Variants in NEGR1 observed in about 807,000 individuals in gnomAD.
The protein encoded by NEGR1 is IgLON family member 4.
In NEGR1, 10 loss-of-function variants were observed where a neutral mutation model predicts 40.9. The ratio of observed to expected loss-of-function variants is 0.24; its 90% CI spans 0.15 to 0.42. NEGR1 has a LOEUF of 0.42. Ranked by LOEUF, NEGR1 falls within the 10% of genes least tolerant of loss-of-function variation. The pLI is 1.00. For synonymous variants in NEGR1, 185 were observed against 166.8 expected (o/e 1.11, Z -0.84); for missense variants, 352 against 438.9 (o/e 0.80, Z 1.77).
intron 2 of NEGR1, among the ~76,000 whole-genome samples, chr1:71,838,046 G>A (rs1274859661): frequency 6.6e-6 from 1 of 152,072 alleles, no homozygotes; most frequent in Non-Finnish European, 1.5e-5. Flanking sequence ...CACATTGTTT[G>A]AGGTACATTG....
intron 1 of NEGR1, among the ~76,000 whole-genome samples, chr1:71,993,742 A>G (rs1441320137): frequency 1.3e-5 from 2 of 152,228 alleles, no homozygotes; most frequent in African/African-American, 2.4e-5. Context: ...TATTGTATAG[A>G]TGAATAAATT....
chr1:71,773,164 TGG>T (rs1656388397), intron 3 of NEGR1, among the ~76,000 whole-genome samples: 1 of 152,226 alleles, frequency 6.6e-6, no homozygotes, highest in South Asian at 2.1e-4. Context: ...TGAAGCTGTA[TGG>T]AGCTATCATC....
intron 5 of NEGR1, among the ~76,000 whole-genome samples, chr1:71,595,105 T>C (rs1342256045): frequency 3.3e-5 from 5 of 152,174 alleles, no homozygotes; most frequent in Admixed American, 2.0e-4. Flanking sequence ...CTTAAATGTA[T>C]CTGAAGGCAC....
intron 1 of NEGR1, among the ~76,000 whole-genome samples, chr1:72,157,601 T>C (rs1184354813): frequency 6.6e-6 from 1 of 152,144 alleles, no homozygotes; most frequent in Non-Finnish European, 1.5e-5. Context: ...GTTTTTAATA[T>C]GAAGAGGTTA....
chr1:72,095,956 A>G (rs1557524267), intron 1 of NEGR1, among the ~76,000 whole-genome samples: 2 of 152,166 alleles, frequency 1.3e-5, no homozygotes, highest in African/African-American at 4.8e-5. Context: ...AATTTTCAAA[A>G]TAGTGGATTA....
At chr1:72,238,599 T>C (rs1171984145) in intron 1 of NEGR1, among the ~76,000 whole-genome samples, 1 of 151,856 alleles carries the variant, frequency 6.6e-6, no homozygotes, top group Non-Finnish European at 1.5e-5. Flanking sequence ...ACCATCCTCC[T>C]GAGGCACCTT....
intron 3 of NEGR1, among the ~76,000 whole-genome samples, chr1:71,752,663 T>C (rs2101689338): frequency 6.6e-6 from 1 of 151,166 alleles, no homozygotes; most frequent in Non-Finnish European, 1.5e-5. Context: ...CTTCTCCACA[T>C]TAGAAGGAAA....
At chr1:71,407,925 G>T in intron 6 of NEGR1, 1 of 173,546 alleles carries the variant, frequency 5.8e-6, no homozygotes, top group Non-Finnish European at 1.2e-5. Context: ...GTAAATATTT[G>T]TATTAATGGA....
chr1:71,668,115 G>T (rs1245327832), intron 4 of NEGR1, among the ~76,000 whole-genome samples: 1 of 152,014 alleles, frequency 6.6e-6, no homozygotes, highest in East Asian at 1.9e-4. Flanking sequence ...TTTTCATTGG[G>T]TTTAACTAAA....
At chr1:71,683,158 G>A (rs1158004458) in intron 4 of NEGR1, among the ~76,000 whole-genome samples, 4 of 152,006 alleles carry the variant, frequency 2.6e-5, no homozygotes, top group African/African-American at 4.8e-5. Context: ...AGAGCTAAAC[G>A]AGGCAGGAAA....
chr1:71,650,554 T>C (rs1651677976), intron 4 of NEGR1, among the ~76,000 whole-genome samples: 1 of 152,198 alleles, frequency 6.6e-6, no homozygotes, highest in Non-Finnish European at 1.5e-5. Flanking sequence ...CGCTGTGTTT[T>C]TATTGCTGTT....
At chr1:71,761,586 T>G (rs1041162905) in intron 3 of NEGR1, among the ~76,000 whole-genome samples, 4 of 152,194 alleles carry the variant, frequency 2.6e-5, no homozygotes, top group Admixed American at 2.0e-4. Flanking sequence ...CTTCTTTATC[T>G]TTCTGAGTTT....
At chr1:72,078,888 C>T (rs566401945) in intron 1 of NEGR1, among the ~76,000 whole-genome samples, 59 of 150,802 alleles carry the variant, frequency 3.9e-4, no homozygotes, top group African/African-American at 1.4e-3. Context: ...GACCTGTCCA[C>T]CTCGGCCTCC....
At chr1:71,820,718 A>C (rs1036655016) in intron 2 of NEGR1, among the ~76,000 whole-genome samples, 1 of 151,950 alleles carries the variant, frequency 6.6e-6, no homozygotes, top group Non-Finnish European at 1.5e-5. Context: ...ATCACACAGC[A>C]TGAGGCCAAG....
rs534806568 is a variant in NEGR1 at position 71,668,567 on chromosome 1, C to A, written c.667+29441G>T. Among the ~76,000 whole-genome samples, 4 of 152,146 alleles carry A rather than the reference C, an allele frequency of 2.6e-5. No homozygotes were observed. The South Asian group carries it at 8.3e-4, about 32-fold the overall frequency. On this transcript the variant is annotated intron_variant, in intron 4 of 6. Coordinates refer to ENST00000357731, the MANE Select transcript of NEGR1 (RefSeq NM_173808.3). ...TTCATTGGTACTGGAAATAGCAGTT[C>A]CACAGGTCTCAGTAGTGGGAAGATA...
chr1:72,261,526 G>T (rs1452753118), intron 1 of NEGR1, among the ~76,000 whole-genome samples: 2 of 152,038 alleles, frequency 1.3e-5, no homozygotes, highest in East Asian at 3.9e-4. Context: ...ATTAAATACT[G>T]AAAGGCCTTG....
chr1:71,505,106 A>G (rs1246494668), intron 6 of NEGR1, among the ~76,000 whole-genome samples: 1 of 152,178 alleles, frequency 6.6e-6, no homozygotes, highest in Admixed American at 6.5e-5. Flanking sequence ...ACCGTTAATA[A>G]AGGGATTCAT....
intron 3 of NEGR1, among the ~76,000 whole-genome samples, chr1:71,751,083 TG>T (rs1655556051): frequency 6.6e-6 from 1 of 152,020 alleles, no homozygotes; most frequent in Admixed American, 6.5e-5. Context: ...TTCTTTGTTT[TG>T]TTTTTTTTTT....
intron 2 of NEGR1, among the ~76,000 whole-genome samples, chr1:71,836,495 T>TAC (rs1435820670): frequency 6.7e-6 from 1 of 149,590 alleles, no homozygotes; most frequent in Non-Finnish European, 1.5e-5. Context: ...TATATATATA[T>TAC]ATATGAAGTC....
Sources: gnomAD v4.1 joint callset for allele counts (sites outside exome capture counted in the v4.1 genomes callset) on GRCh38, gnomAD v4.1.1 for gene constraint, MANE v1.5 for transcripts, NCBI Gene and HGNC (gene_info 2026-07-23, HGNC 2026-07-21) for gene names.